The following KATNAL2 variants were observed in gnomAD, a reference collection of about 807,000 sequenced individuals.
KATNAL2 encodes the protein katanin p60 ATPase-containing subunit A-like 2.
A neutral mutation model predicts 76.3 loss-of-function variants in KATNAL2; 52 were observed. The observed-to-expected ratio is 0.68, with a 90% CI of 0.55 to 0.86. The LOEUF (loss-of-function observed/expected upper bound fraction) is 0.86, where lower values mean the gene tolerates loss of function less well. KATNAL2 is among the 40% of genes least tolerant of loss of function. The pLI is 0.00. For synonymous variants in KATNAL2, 243 were observed against 244.2 expected, an observed-to-expected ratio of 1.00 and a Z score of 0.05; for missense variants, 660 against 668.9, an observed-to-expected ratio of 0.99 and a Z score of 0.15.
rs182696313 is a variant in KATNAL2, at chr18:46,952,621, G to A, written c.51+5698G>A. ...TAACCATATTGGTCAGGCTGATCTCGAACTCCTGACCTCATGATCCACCTG... is the reference window on the plus strand; with the variant it reads ...TAACCATATTGGTCAGGCTGATCTCAAACTCCTGACCTCATGATCCACCTG... On this transcript the variant is annotated intron_variant, in intron 3 of 17. Transcript: ENST00000683218. Among the ~76,000 whole-genome samples the A allele has an allele frequency of 3.3e-3, 507 of 151,892 alleles. 3 individuals are homozygous for A. Among genetic ancestry groups the A allele is most frequent in the Non-Finnish European group, 5.6e-3 (382 of 67,954 alleles).
In KATNAL2 at chr18:47,100,986, G is replaced by A; in HGVS notation, c.1598G>A (p.Arg533Lys). ...GCTCAGAGATACTCAGACTGGCAAA[G>A]AGAGTTCGAGTCTGTCTGAAACCAC... ...NLAQRYSDWQ[R>K]EFESV is the part of the protein sequence containing the mutation. The change falls in exon 18 of 18, where the codon AGA becomes AAA. Residue 533 changes from arginine (R) to lysine (K), a missense_variant. Arg to Lys is a conservative substitution (Grantham distance 26). Coordinates refer to ENST00000683218, the MANE Select transcript of KATNAL2 (RefSeq NM_001387690.1). The A allele has an allele frequency of 1.2e-6, 2 of 1,613,992 alleles. No homozygotes were observed. The highest frequency in any genetic ancestry group is 1.7e-6 in the Non-Finnish European group (2 of 1,179,930).
chr18:47,045,504 G>A (rs930553846), intron 3 of KATNAL2, among the ~76,000 whole-genome samples: 1 of 151,888 alleles, frequency 6.6e-6, no homozygotes. Flanking sequence ...TGTAGTTTTT[G>A]TAGAGATGGG....
chr18:47,033,820 G>T, intron 3 of KATNAL2: 1 of 1,614,190 alleles, frequency 6.2e-7, no homozygotes, highest in Non-Finnish European at 8.5e-7. Context: ...GGAGGTCATG[G>T]AGTCAGAATC....
At chr18:46,949,527 G>A (rs759963634) in intron 3 of KATNAL2, among the ~76,000 whole-genome samples, 14 of 152,208 alleles carry the variant, frequency 9.2e-5, no homozygotes, top group Non-Finnish European at 1.3e-4. Flanking sequence ...GATTACAAGC[G>A]TGAGCCTTCG....
Position 47,063,288 on chromosome 18 carries a change from G to A in KATNAL2, c.653G>A (p.Arg218Gln), listed in dbSNP as rs201022181. The A allele has an allele frequency of 7.3e-5, 117 of 1,613,320 alleles. 1 individual carries two copies. Among genetic ancestry groups the A allele is most frequent in the Admixed American group, 1.8e-4 (11 of 59,870 alleles). The change falls in exon 10 of 18, where the codon CGA becomes CAA. Residue 218 changes from arginine (R) to glutamine (Q), a missense_variant. Transcript: ENST00000683218. Reference protein sequence around the residue: ...TFDHNPDPSERLLKPLSAFIG... With the variant: ...TFDHNPDPSEQLLKPLSAFIG... ...CCTTTCCGCTCCTCTCATCAGGAAC[G>A]ACTGCTGAAACCTCTGAGTGCATTT...
chr18:46,936,142 C>G (rs2059083997), intron 1 of KATNAL2, among the ~76,000 whole-genome samples: 1 of 152,116 alleles, frequency 6.6e-6, no homozygotes, highest in African/African-American at 2.4e-5. Context: ...TTTACCATAC[C>G]TATCTCAGTA....
intron 3 of KATNAL2, among the ~76,000 whole-genome samples, chr18:46,957,555 T>C (rs1276076607): frequency 0.087 from 4,325 of 49,786 alleles, 629 homozygotes; most frequent in Non-Finnish European, 0.097. Context: ...CGCCTGGCCT[T>C]TTTTTTTTTT....
chr18:47,080,790 T>G (rs1423509511), intron 15 of KATNAL2, among the ~76,000 whole-genome samples: 8 of 152,238 alleles, frequency 5.3e-5, no homozygotes, highest in Non-Finnish European at 1.2e-4. Flanking sequence ...CAAACGATAT[T>G]GTGCATCTTT....
At chr18:47,036,940 G>A (rs1018100140) in intron 3 of KATNAL2, among the ~76,000 whole-genome samples, 1 of 152,166 alleles carries the variant, frequency 6.6e-6, no homozygotes, top group South Asian at 2.1e-4. Context: ...AGATAGTCAG[G>A]AAACAAACAA....
At chr18:47,095,230 C>G (rs527553343) in intron 15 of KATNAL2, among the ~76,000 whole-genome samples, 4 of 152,240 alleles carry the variant, frequency 2.6e-5, no homozygotes, top group African/African-American at 9.6e-5. Flanking sequence ...GTGTTTATCC[C>G]CAAATTTAAG....
Position 46,957,719 on chromosome 18 carries a change from C to T in KATNAL2, c.51+10796C>T, listed in dbSNP as rs1323145134. On this transcript the variant is annotated intron_variant, in intron 3 of 17. Coordinates refer to ENST00000683218, the MANE Select transcript of KATNAL2 (RefSeq NM_001387690.1). ...CTGGGATTACAGGCATGTGCCATCA[C>T]GCCTGGCTAATTTTGTATTTTTAGT... 5.3e-5 allele frequency among the ~76,000 whole-genome samples: 8 copies of T among 152,056 alleles called. No individual in the cohort carries two copies. The East Asian group carries it at 1.4e-3, about 26-fold the overall frequency.
At chr18:46,957,764 G>A (rs2059808798) in intron 3 of KATNAL2, among the ~76,000 whole-genome samples, 1 of 151,206 alleles carries the variant, frequency 6.6e-6, no homozygotes. Context: ...GTTTCTCCAT[G>A]TTGGTCAGGC....
At chr18:46,923,458 T>C (rs2058635581) in intron 1 of KATNAL2, among the ~76,000 whole-genome samples, 1 of 152,154 alleles carries the variant, frequency 6.6e-6, no homozygotes, top group Non-Finnish European at 1.5e-5. Flanking sequence ...ATTTTCTTAA[T>C]CCAGTCTGTC....
intron 1 of KATNAL2, among the ~76,000 whole-genome samples, chr18:46,927,203 G>T (rs1298871777): frequency 2.0e-5 from 3 of 152,172 alleles, no homozygotes; most frequent in Non-Finnish European, 4.4e-5. Flanking sequence ...AATTTGGCAT[G>T]TTTTTGCAGT....
At chr18:46,942,031 G>A (rs1017773516) in intron 1 of KATNAL2, among the ~76,000 whole-genome samples, 7 of 152,106 alleles carry the variant, frequency 4.6e-5, no homozygotes, top group African/African-American at 1.2e-4. Flanking sequence ...GTGCTTTGGC[G>A]GGAGTCAGGG....
intron 5 of KATNAL2, among the ~76,000 whole-genome samples, chr18:47,053,566 A>G (rs1013851538): frequency 1.3e-5 from 2 of 152,268 alleles, no homozygotes; most frequent in Non-Finnish European, 2.9e-5. Context: ...GCTGGAGGAA[A>G]GATCTAAAGT....
intron 15 of KATNAL2, among the ~76,000 whole-genome samples, chr18:47,097,163 T>C (rs2063285233): frequency 6.6e-6 from 1 of 150,780 alleles, no homozygotes; most frequent in Non-Finnish European, 1.5e-5. Flanking sequence ...TGTGTATGTG[T>C]GTGTTTAATC....
chr18:46,955,132 TTCTC>T (rs200821465), intron 3 of KATNAL2, among the ~76,000 whole-genome samples: 3 of 131,686 alleles, frequency 2.3e-5, no homozygotes, highest in Non-Finnish European at 4.8e-5. Flanking sequence ...CTTTCTTTCT[TTCTC>T]TCTCTCTTTC....
In KATNAL2 at chr18:47,092,777, A is replaced by G. The variant is rs968005966; in HGVS notation, c.1212-6466A>G. On this transcript the variant is annotated intron_variant, in intron 15 of 17. Transcript: ENST00000683218. ...GAGGGTCCTTCACTCTATGCGTCAC[A>G]GCCTCTGTTTCTTGAATCCCTTATA... 2.0e-4 allele frequency among the ~76,000 whole-genome samples: 30 copies of G among 152,280 alleles called. 1 individual carries two copies. In the South Asian group the frequency reaches 3.3e-3, roughly 17 times the overall value.
Sources: allele counts gnomAD v4.1 joint callset (sites outside exome capture counted in the v4.1 genomes callset), GRCh38; gene constraint gnomAD v4.1.1; transcripts MANE v1.5; gene names NCBI Gene and HGNC (gene_info 2026-07-23, HGNC 2026-07-21).